The following VAC14 variants were observed in gnomAD, a reference collection of about 807,000 sequenced individuals.
VAC14 encodes the protein protein VAC14 homolog.
VAC14 carries 47 observed loss-of-function variants against 85.3 expected under a neutral mutation model. The observed-to-expected ratio is 0.55, with a 90% CI of 0.44 to 0.70. The LOEUF is 0.70. Among genes scored for constraint, VAC14 ranks in the 30% least tolerant of loss-of-function variants. The pLI is 0.00. For synonymous variants in VAC14, 447 were observed against 430.5 expected (o/e 1.04, Z -0.47); for missense variants, 861 against 1,004.3 (o/e 0.86, Z 1.93).
At chr16:70,767,007 C>T (rs566407499) in intron 10 of VAC14, among the ~76,000 whole-genome samples, 1 of 152,320 alleles carries the variant, frequency 6.6e-6, no homozygotes, top group East Asian at 1.9e-4. Context: ...GGAGCTCACT[C>T]AGTTTAAAAT....
Position 70,782,015 on chromosome 16 carries a change from A to G in VAC14, c.812-12T>C. 1 of 1,612,708 alleles carries G rather than the reference A, an allele frequency of 6.2e-7. No homozygotes were observed. Among genetic ancestry groups the G allele is most frequent in the East Asian group, 2.2e-5 (1 of 44,848 alleles). On this transcript the variant is annotated splice_polypyrimidine_tract_variant and intron_variant, in intron 7 of 18. Coordinates refer to ENST00000261776, the MANE Select transcript of VAC14 (RefSeq NM_018052.5). ...CTGGATGAGGTCATCTGGAAGGGGAATCAGGGGGTTCAGAGGGGCCAGCAC... is the reference window on the plus strand; with the variant it reads ...CTGGATGAGGTCATCTGGAAGGGGAGTCAGGGGGTTCAGAGGGGCCAGCAC...
In VAC14 at chr16:70,687,929, C is replaced by A; in HGVS notation, c.2348G>T (p.Ter783LeuextTer?). The A allele has an allele frequency of 6.5e-7, 1 of 1,539,432 alleles. No individual in the cohort carries two copies. ...GGGCCCTCCTCCGTGCCAGGCCTGT[C>A]AGAGGACAACCCTCCGGTCCAGGTG... ...GDHLDRRVVL* is the reference protein window; with the variant it reads ...GDHLDRRVVLL Residue 783 changes from the stop codon to leucine, a stop_lost, in exon 19 of 19, where the codon TGA becomes TTA. Coordinates refer to ENST00000261776, the MANE Select transcript of VAC14 (RefSeq NM_018052.5).
chr16:70,715,870 A>C (rs1426339174), intron 14 of VAC14: 2 of 152,222 alleles, frequency 1.3e-5, no homozygotes, highest in Non-Finnish European at 2.9e-5. Context: ...TTACAAGGGA[A>C]AAAGAAAATC....
intron 14 of VAC14, among the ~76,000 whole-genome samples, chr16:70,706,937 G>A (rs1393275330): frequency 6.6e-6 from 1 of 152,190 alleles, no homozygotes; most frequent in African/African-American, 2.4e-5. Context: ...CTAATATCAA[G>A]GCTACAAACT....
intron 14 of VAC14, among the ~76,000 whole-genome samples, chr16:70,700,599 C>T (rs2053806457): frequency 6.6e-6 from 1 of 152,206 alleles, no homozygotes; most frequent in Admixed American, 6.5e-5. Context: ...AAGGCTAGTC[C>T]TCTGGGGAGC....
chr16:70,692,680 TG>T, intron 18 of VAC14, 140 bp downstream of exon 18: 1 of 1,114,320 alleles, frequency 9.0e-7, no homozygotes, highest in Non-Finnish European at 1.3e-6. Flanking sequence ...GCGGGGGGGA[TG>T]GTGGTCACAG....
intron 12 of VAC14, among the ~76,000 whole-genome samples, chr16:70,760,002 G>A (rs922991520): frequency 1.3e-5 from 2 of 152,162 alleles, no homozygotes; most frequent in Admixed American, 1.3e-4. Context: ...GAGAACCGTC[G>A]TGAGGGTTCT....
In VAC14 at chr16:70,697,265, G is replaced by A; in HGVS notation, c.1837-8C>T. 1 of 1,611,504 alleles carries A rather than the reference G, an allele frequency of 6.2e-7. No individual in the cohort carries two copies. The highest frequency in any genetic ancestry group is 1.7e-4 in the Middle Eastern group (1 of 6,016). The stretch of plus-strand genomic sequence containing the variant: ...GAACAGGTTCTGGCTCTCCTGTGGG[G>A]GAACAGGCATGAGCCGTGAGGACAC... On this transcript the variant is annotated splice_region_variant and splice_polypyrimidine_tract_variant and intron_variant, in intron 15 of 18. Coordinates refer to ENST00000261776, the MANE Select transcript of VAC14 (RefSeq NM_018052.5).
intron 14 of VAC14, among the ~76,000 whole-genome samples, chr16:70,717,962 C>T (rs2054203108): frequency 1.3e-5 from 2 of 152,212 alleles, no homozygotes; most frequent in African/African-American, 4.8e-5. Flanking sequence ...CTTGAGTATT[C>T]ATCTGAATGA....
intron 1 of VAC14, among the ~76,000 whole-genome samples, chr16:70,798,009 T>C (rs1596978449): frequency 6.6e-6 from 1 of 152,186 alleles, no homozygotes; most frequent in Non-Finnish European, 1.5e-5. Context: ...AGGTATTTGT[T>C]TATAGCAGAG....
chr16:70,709,491 T>TG lies in VAC14; in HGVS notation c.1662-10681dup, dbSNP rs1376371256. 5.3e-5 allele frequency among the ~76,000 whole-genome samples: 8 copies of TG among 152,320 alleles called. No individual in the cohort carries two copies. The East Asian group carries it at 1.5e-3, about 29-fold the overall frequency. On this transcript the variant is annotated intron_variant, in intron 14 of 18. Coordinates refer to ENST00000261776, the MANE Select transcript of VAC14 (RefSeq NM_018052.5). ...CACTCTCCCGCTGGAGCCACCTCTG[T>TG]GGGTGGATGGCACTGACCACACCTG...
chr16:70,762,660 C>CGTGCA lies in VAC14; in HGVS notation c.1306-60_1306-56dup. ...GAGTGCTCCCTTCGCCCCGGGACTACGTGCAGTGCAGTGTCCCGCTGGTGT... is the reference window on the plus strand; with the variant it reads ...GAGTGCTCCCTTCGCCCCGGGACTACGTGCAGTGCAGTGCAGTGTCCCGCTGGTGT... On this transcript the variant is annotated intron_variant, in intron 11 of 18. Transcript: ENST00000261776. This position sits in a 1 kb window ranked among gnomAD's most constrained non-coding sequence, Gnocchi z 4.1. 6.3e-7 allele frequency: 1 copy of CGTGCA among 1,580,954 alleles called. No individual in the cohort carries two copies. Among genetic ancestry groups the CGTGCA allele is most frequent in the East Asian group, 2.3e-5 (1 of 44,272 alleles).
intron 1 of VAC14, among the ~76,000 whole-genome samples, chr16:70,796,212 G>A (rs1157441544): frequency 1.3e-5 from 2 of 152,166 alleles, no homozygotes; most frequent in African/African-American, 4.8e-5. Flanking sequence ...CAGTTAGTGT[G>A]GTCACTTAAC....
intron 18 of VAC14, chr16:70,690,868 G>T: frequency 1.0e-6 from 1 of 985,514 alleles, no homozygotes; most frequent in Non-Finnish European, 1.2e-6. Flanking sequence ...GCAAAGTAAG[G>T]CTGGGGGTCC....
chr16:70,743,116 T>C (rs2030515832), intron 13 of VAC14, among the ~76,000 whole-genome samples: 1 of 150,652 alleles, frequency 6.6e-6, no homozygotes, highest in African/African-American at 2.5e-5. Flanking sequence ...GGACTCTGTG[T>C]CTAGCTAAAG....
intron 18 of VAC14, chr16:70,690,428 G>C: frequency 1.0e-6 from 1 of 985,628 alleles, no homozygotes; most frequent in Non-Finnish European, 1.2e-6. Flanking sequence ...AGTGTGGCAA[G>C]TCCAGGACTC....
At chr16:70,716,521 A>G (rs765795312) in intron 14 of VAC14, 1 of 152,282 alleles carries the variant, frequency 6.6e-6, no homozygotes, top group Non-Finnish European at 1.5e-5. Flanking sequence ...AGCAGGCAGT[A>G]AATATTTACA....
At chr16:70,779,987 T>C (rs1450876682) in intron 9 of VAC14, among the ~76,000 whole-genome samples, 4 of 151,608 alleles carry the variant, frequency 2.6e-5, no homozygotes, top group African/African-American at 9.7e-5. Context: ...GGACTATAGG[T>C]GTGCACCACC....
intron 14 of VAC14, chr16:70,699,725 G>A (rs2053785658): frequency 6.6e-6 from 1 of 152,374 alleles, no homozygotes; most frequent in Non-Finnish European, 1.5e-5. Context: ...GCAGGGGAAG[G>A]GCACCTGGGC....
Sources: allele counts gnomAD v4.1 joint callset (sites outside exome capture counted in the v4.1 genomes callset), GRCh38; gene constraint gnomAD v4.1.1; non-coding constraint Gnocchi (gnomAD v3.1); transcripts MANE v1.5; gene names NCBI Gene and HGNC (gene_info 2026-07-23, HGNC 2026-07-21).